ZNF12: variants seen among roughly 807,000 people sequenced by gnomAD.
The protein encoded by ZNF12 is gonadotropin inducible transcription repressor 3.
A neutral mutation model predicts 66.6 loss-of-function variants in ZNF12; 34 were observed. The ratio of observed to expected loss-of-function variants is 0.51; its 90% CI spans 0.39 to 0.68. The LOEUF (loss-of-function observed/expected upper bound fraction) is 0.68. ZNF12 is among the 30% of genes least tolerant of loss of function. ZNF12 has a pLI of 0.00. For missense variants in ZNF12, 697 were observed against 826.9 expected (o/e 0.84, Z 1.93); for synonymous variants, 320 against 278.9 (o/e 1.15, Z -1.47).
In ZNF12 at chr7:6,689,049, A is replaced by G. The variant is rs996130721; in HGVS notation, c.*1799T>C. 4 of 152,626 alleles carry G rather than the reference A, an allele frequency of 2.6e-5. No individual in the cohort carries two copies. The highest frequency in any genetic ancestry group is 4.8e-5 in the African/African-American group (2 of 41,466). 9.5% of individuals were successfully genotyped at this position (152,626 alleles called of 1,614,324 possible). ...ACAGCTTAAAATAAATGACTTACCT[A>G]AAGTCCACTTCTGAACTGCATAACT... On this transcript the variant is annotated 3_prime_UTR_variant, in exon 5 of 5. Coordinates refer to ENST00000405858, the MANE Select transcript of ZNF12 (RefSeq NM_016265.4).
chr7:6,695,430 A>G (rs1195955560), intron 4 of ZNF12, among the ~76,000 whole-genome samples: 1 of 152,006 alleles, frequency 6.6e-6, no homozygotes, highest in East Asian at 1.9e-4. Context: ...TATGTTACCC[A>G]GGCTGGTTGC....
Position 6,690,715 on chromosome 7 carries a change from A to T in ZNF12, c.*133T>A, listed in dbSNP as rs1420224317. ...TTTCCATTCTGTGAGTCTTCAGATT[A>T]TGAGTCCAACACACAAGGGGATGTC... On this transcript the variant is annotated 3_prime_UTR_variant, in exon 5 of 5. Coordinates refer to ENST00000405858, the MANE Select transcript of ZNF12 (RefSeq NM_016265.4). 9 of 883,450 alleles carry T rather than the reference A, an allele frequency of 1.0e-5. No homozygotes were observed. Among genetic ancestry groups the T allele is most frequent in the Non-Finnish European group, 1.5e-5 (9 of 599,034 alleles). 54.7% of individuals were successfully genotyped at this position (883,450 alleles called of 1,614,324 possible). A position where few individuals can be genotyped will look rare whatever the true frequency, so the allele number is the denominator to read the frequency against.
chr7:6,693,585 C>G (rs1039683385), intron 4 of ZNF12, among the ~76,000 whole-genome samples: 1 of 152,128 alleles, frequency 6.6e-6, no homozygotes, highest in African/African-American at 2.4e-5. Flanking sequence ...GTGAGGTGAC[C>G]TAGGGCAAGC....
chr7:6,692,097 G>C lies in ZNF12; in HGVS notation c.845C>G (p.Ser282Ter). 2.5e-6 allele frequency: 4 copies of C among 1,613,952 alleles called. No individual in the cohort carries two copies. The highest frequency in any genetic ancestry group is 3.4e-6 in the Non-Finnish European group (4 of 1,179,930). ...SECGKSFCKK[S>*]KFIIHQRTHT... Reference sequence around the variant, plus strand: ...AGTCCTCTGATGTATAATAAATTTTGACTTTTTACAGAAGGATTTCCCACA... The same window carrying C: ...AGTCCTCTGATGTATAATAAATTTTCACTTTTTACAGAAGGATTTCCCACA... The change falls in exon 5 of 5, where the codon TCA becomes TGA. Residue 282 changes from serine (S) to a stop codon, truncating the protein, a stop_gained. Coordinates refer to ENST00000405858, the MANE Select transcript of ZNF12 (RefSeq NM_016265.4). LOFTEE classifies it high-confidence loss of function. This position sits in a 1 kb window ranked among gnomAD's most constrained non-coding sequence, Gnocchi z 5.1.
chr7:6,701,060 C>T (rs1219616200), intron 2 of ZNF12: 1 of 152,228 alleles, frequency 6.6e-6, no homozygotes, highest in Non-Finnish European at 1.5e-5. Context: ...TCACTGCAGC[C>T]TCATATTCCT....
chr7:6,703,572 G>A (rs151142504), intron 2 of ZNF12, among the ~76,000 whole-genome samples: 4 of 152,226 alleles, frequency 2.6e-5, no homozygotes, highest in Non-Finnish European at 4.4e-5. Flanking sequence ...ATAGGTGGGG[G>A]GGCTCCAAAT....
chr7:6,703,451 C>G (rs1257143262), intron 2 of ZNF12, among the ~76,000 whole-genome samples: 2 of 152,088 alleles, frequency 1.3e-5, no homozygotes, highest in Non-Finnish European at 1.5e-5. Context: ...TGTACAAACT[C>G]AAAACAATCG....
intron 4 of ZNF12, among the ~76,000 whole-genome samples, chr7:6,693,625 T>C (rs1405057504): frequency 2.0e-5 from 3 of 152,242 alleles, no homozygotes; most frequent in Non-Finnish European, 4.4e-5. Context: ...GTCAGTATCC[T>C]TCATCTGCCA....
rs535434487 is a variant in ZNF12 at position 6,691,272 on chromosome 7, A to G, written c.1670T>C (p.Phe557Ser). ...KPYECYICGK[F>S]FSQMSYLTIH... The stretch of plus-strand genomic sequence containing the variant: ...AGTGAGGTATGACATCTGAGAGAAG[A>G]ATTTTCCACATATATAGCATTCATA... Residue 557 changes from phenylalanine (F) to serine (S), a missense_variant, in exon 5 of 5, where the codon TTC becomes TCC. By Grantham distance (155) the Phe-to-Ser change is radical. Coordinates refer to ENST00000405858, the MANE Select transcript of ZNF12 (RefSeq NM_016265.4). 13 of 1,613,758 alleles carry G rather than the reference A, an allele frequency of 8.1e-6. No homozygotes were observed. The Admixed American group carries it at 2.2e-4, about 27-fold the overall frequency.
In ZNF12 at chr7:6,705,730, A is replaced by AAAAAAG. The variant is rs57140510; in HGVS notation, c.-50-508_-50-507insCTTTTT. Among the ~76,000 whole-genome samples the AAAAAAG allele has an allele frequency of 6.6e-6, 1 of 151,990 alleles. No individual in the cohort carries two copies. The highest frequency in any genetic ancestry group is 2.4e-5 in the African/African-American group (1 of 41,342). On this transcript the variant is annotated intron_variant, in intron 1 of 4. Transcript: ENST00000405858. This position sits in a 1 kb window ranked among gnomAD's most constrained non-coding sequence, Gnocchi z 4.0. The stretch of plus-strand genomic sequence containing the variant: ...CGAAACTTGTCTCAAAAACAAACAA[A>AAAAAAG]CAAACAAACAAAAAACAAACAACAA...
In ZNF12 at chr7:6,688,507, C is replaced by A. The variant is rs1314216171; in HGVS notation, c.*2341G>T. The A allele has an allele frequency of 6.6e-6, 1 of 152,128 alleles. No homozygotes were observed. The highest frequency in any genetic ancestry group is 1.5e-5 in the Non-Finnish European group (1 of 68,012). The allele number at this position is 152,128 out of a possible 1,614,324, so 9.4% of individuals were successfully genotyped here. On this transcript the variant is annotated 3_prime_UTR_variant, in exon 5 of 5. Transcript: ENST00000405858. The surrounding 1 kb of genome is among the most constrained non-coding windows in gnomAD (Gnocchi z 4.3). ...TATAATGACACACCAGTGTGAGAAA[C>A]CTCCATAGGTATCATTTCCACAAAT... is the stretch of plus-strand genomic sequence containing the variant.
intron 4 of ZNF12, among the ~76,000 whole-genome samples, chr7:6,693,289 T>C (rs76903458): frequency 0.026 from 3,974 of 152,286 alleles, 185 homozygotes; most frequent in African/African-American, 0.091. Flanking sequence ...TTCCACATAG[T>C]AGAATAAACT....
At chr7:6,703,039 TACACAC>T (rs10548883) in intron 2 of ZNF12, among the ~76,000 whole-genome samples, 56 of 133,688 alleles carry the variant, frequency 4.2e-4, no homozygotes, top group South Asian at 1.5e-3. Flanking sequence ...GCTCCCAAAC[TACACAC>T]ACACACACAC....
Position 6,692,804 on chromosome 7 carries a change from G to C in ZNF12, c.239-101C>G. 1 of 1,172,710 alleles carries C rather than the reference G, an allele frequency of 8.5e-7. No individual in the cohort carries two copies. The highest frequency in any genetic ancestry group is 2.5e-5 in the East Asian group (1 of 40,758). The allele number at this position is 1,172,710 out of a possible 1,614,324, so 72.6% of individuals were successfully genotyped here. A position where few individuals can be genotyped will look rare whatever the true frequency, so the allele number is the denominator to read the frequency against. ...GTACACACGCATCTCATTGTGAGTA[G>C]ATGCTAGCTTCATGAACAGATGAAA... is the stretch of plus-strand genomic sequence containing the variant. On this transcript the variant is annotated intron_variant, in intron 4 of 4. Coordinates refer to ENST00000405858, the MANE Select transcript of ZNF12 (RefSeq NM_016265.4). This position sits in a 1 kb window ranked among gnomAD's most constrained non-coding sequence, Gnocchi z 5.1.
intron 2 of ZNF12, among the ~76,000 whole-genome samples, chr7:6,700,310 C>CAA (rs2115353231): frequency 7.0e-6 from 1 of 142,378 alleles, no homozygotes; most frequent in South Asian, 2.3e-4. Flanking sequence ...AATATACACA[C>CAA]ACACACACAC....
In ZNF12 at chr7:6,689,214, G is replaced by C. The variant is rs1009080118; in HGVS notation, c.*1634C>G. The C allele has an allele frequency of 9.2e-5, 14 of 152,206 alleles. No individual in the cohort carries two copies. Among genetic ancestry groups the C allele is most frequent in the Non-Finnish European group, 1.3e-4 (9 of 68,046 alleles). The allele number at this position is 152,206 out of a possible 1,614,324, so 9.4% of individuals were successfully genotyped here. ...AGGAGGAGTGGCTACAAGGCTGCTT[G>C]GTTTGGTGGCTCAAAGACATCATCC... On this transcript the variant is annotated 3_prime_UTR_variant, in exon 5 of 5. Coordinates refer to ENST00000405858, the MANE Select transcript of ZNF12 (RefSeq NM_016265.4).
chr7:6,694,496 G>A (rs1283886508), intron 4 of ZNF12, among the ~76,000 whole-genome samples: 1 of 152,132 alleles, frequency 6.6e-6, no homozygotes, highest in African/African-American at 2.4e-5. Context: ...CAAGCTATTT[G>A]TTGCACAAGG....
At position 6,705,591 on chromosome 7, in the gene ZNF12, C is replaced by T. The variant is rs567168999; in HGVS notation, c.-50-368G>A. Reference sequence around the variant, plus strand: ...AAAATTAGCTGGGCGTGGTGGCGGGCGCCTGTAACCCCAGCTACTCGGGAG... The same window carrying T: ...AAAATTAGCTGGGCGTGGTGGCGGGTGCCTGTAACCCCAGCTACTCGGGAG... On this transcript the variant is annotated intron_variant, in intron 1 of 4. Transcript: ENST00000405858. The surrounding 1 kb of genome is among the most constrained non-coding windows in gnomAD (Gnocchi z 4.0). Among the ~76,000 whole-genome samples, 3 of 152,080 alleles carry T rather than the reference C, an allele frequency of 2.0e-5. No homozygotes were observed. The highest frequency in any genetic ancestry group is 2.1e-4 in the South Asian group (1 of 4,810).
intron 2 of ZNF12, among the ~76,000 whole-genome samples, chr7:6,704,797 A>G (rs1327712741): frequency 1.3e-5 from 2 of 149,914 alleles, no homozygotes; most frequent in African/African-American, 4.9e-5. Flanking sequence ...CAATGGTTCA[A>G]GGGTTATTAT....
Sources: gnomAD v4.1 joint callset for allele counts (sites outside exome capture counted in the v4.1 genomes callset) on GRCh38, gnomAD v4.1.1 for gene constraint, Gnocchi (gnomAD v3.1) non-coding constraint, MANE v1.5 for transcripts, NCBI Gene and HGNC (gene_info 2026-07-23, HGNC 2026-07-21) for gene names.